The following ASIP variants were observed in gnomAD, a reference collection of about 807,000 sequenced individuals.
The protein encoded by ASIP is agouti signaling protein.
ASIP carries 11 observed loss-of-function variants against 10.3 expected under a neutral mutation model. The ratio of observed to expected loss-of-function variants is 1.07; its 90% confidence interval spans 0.68 to 1.78. The LOEUF is 1.78. Among genes scored for constraint, ASIP ranks in the 40% most tolerant of loss-of-function variants. ASIP has a pLI of 0.00. For missense variants in ASIP, 180 were observed against 169.2 expected (o/e 1.06, Z -0.35); for synonymous variants, 70 against 70.8 (o/e 0.99, Z 0.06).
Position 34,269,172 on chromosome 20 carries a change from C to T in ASIP, c.*5C>T. The T allele has an allele frequency of 1.3e-6, 2 of 1,505,244 alleles. No individual in the cohort carries two copies. Among genetic ancestry groups the T allele is most frequent in the South Asian group, 2.5e-5 (2 of 79,508 alleles). 93.2% of individuals were successfully genotyped at this position (1,505,244 alleles called of 1,614,324 possible). A position where few individuals can be genotyped will look rare whatever the true frequency, so the allele number is the denominator to read the frequency against. ...GTGCTCAGCCTCAACTGCTGAGCGC[C>T]CCCACTCCCGGCCGCGAGCAGGCAG... On this transcript the variant is annotated 3_prime_UTR_variant, in exon 4 of 4. Coordinates refer to ENST00000374954, the MANE Select transcript of ASIP (RefSeq NM_001672.3).
intron 1 of ASIP, chr20:34,214,115 G>C: frequency 3.5e-6 from 4 of 1,127,322 alleles, no homozygotes; most frequent in Non-Finnish European, 2.7e-6. Flanking sequence ...GGAAGGACTG[G>C]TGGCCATTCT....
chr20:34,215,426 G>A, intron 1 of ASIP: 18 of 1,531,884 alleles, frequency 1.2e-5, no homozygotes, highest in East Asian at 6.8e-5. Context: ...ACCACATCAC[G>A]ATCCACCAAC....
chr20:34,227,216 G>A (rs778499533), intron 1 of ASIP, among the ~76,000 whole-genome samples: 2 of 151,562 alleles, frequency 1.3e-5, no homozygotes, highest in Admixed American at 6.6e-5. Context: ...ACAAATTGAC[G>A]TGTTAAAAAA....
intron 1 of ASIP, among the ~76,000 whole-genome samples, chr20:34,210,824 C>T (rs937026352): frequency 5.9e-5 from 9 of 152,146 alleles, no homozygotes; most frequent in African/African-American, 2.2e-4. Flanking sequence ...CTGTGGGGAC[C>T]TTATTCATTT....
chr20:34,269,121 T>A lies in ASIP; in HGVS notation c.353T>A (p.Phe118Tyr), dbSNP rs763823641. The stretch of plus-strand genomic sequence containing the variant: ...CCGTGCGCCTCCTGCCAGTGCCGCT[T>A]CTTCCGCAGCGCCTGCTCCTGCCGC... ...CDPCASCQCR[F>Y]FRSACSCRVL... Residue 118 changes from phenylalanine to tyrosine, a missense_variant, in exon 4 of 4, where the codon TTC becomes TAC. Physicochemically the swap from Phe to Tyr is conservative, Grantham distance 22. Coordinates refer to ENST00000374954, the MANE Select transcript of ASIP (RefSeq NM_001672.3). 1.9e-6 allele frequency: 3 copies of A among 1,559,166 alleles called. No individual in the cohort carries two copies. The South Asian group carries it at 3.5e-5, about 18-fold the overall frequency.
At chr20:34,242,181 C>A (rs1233667921) in intron 1 of ASIP, among the ~76,000 whole-genome samples, 1 of 151,260 alleles carries the variant, frequency 6.6e-6, no homozygotes, top group African/African-American at 2.4e-5. Context: ...TTTTTGGTTT[C>A]CTTTTTAAAA....
chr20:34,257,065 T>C (rs904847459), intron 1 of ASIP, among the ~76,000 whole-genome samples: 2 of 88,916 alleles, frequency 2.2e-5, no homozygotes, highest in African/African-American at 1.4e-4. Flanking sequence ...TCTCTCTTTC[T>C]TTCTCTTTTT....
upstream of ASIP, among the ~76,000 whole-genome samples, chr20:34,193,172 A>G (rs2034834952): frequency 6.6e-6 from 1 of 152,226 alleles, no homozygotes; most frequent in Non-Finnish European, 1.5e-5. Flanking sequence ...ACACAGAAAT[A>G]TGTGAGCATG....
Position 34,246,502 on chromosome 20 carries a change from T to C in ASIP, c.-11+5013T>C, listed in dbSNP as rs2035378151. 6.0e-6 allele frequency: 8 copies of C among 1,330,944 alleles called. No individual in the cohort carries two copies. The South Asian group carries it at 8.3e-5, about 14-fold the overall frequency. The allele number at this position is 1,330,944 out of a possible 1,614,324, so 82.4% of individuals were successfully genotyped here. On this transcript the variant is annotated intron_variant, in intron 1 of 3. Transcript: ENST00000374954. ...ACTTGGCACTGTTCCTTGGGTCTCC[T>C]TTGCAATCAGCCCCACTGGATTCAG...
intron 1 of ASIP, among the ~76,000 whole-genome samples, chr20:34,211,562 T>C (rs2034974541): frequency 6.6e-6 from 1 of 152,368 alleles, no homozygotes; most frequent in Non-Finnish European, 1.5e-5. Context: ...AAATACCATT[T>C]AGAATGTCTT....
intron 1 of ASIP, among the ~76,000 whole-genome samples, chr20:34,248,872 A>G (rs1282900268): frequency 1.3e-5 from 2 of 152,118 alleles, no homozygotes; most frequent in South Asian, 2.1e-4. Context: ...CTCATTTGGA[A>G]TAACAGCAAT....
At chr20:34,260,952 C>G (rs2035679461) in intron 2 of ASIP, among the ~76,000 whole-genome samples, 2 of 152,110 alleles carry the variant, frequency 1.3e-5, no homozygotes, top group African/African-American at 4.8e-5. Context: ...GGCACTGGAG[C>G]CTGGCATTGG....
At chr20:34,265,906 C>T (rs1357651269) in intron 3 of ASIP, among the ~76,000 whole-genome samples, 3 of 151,512 alleles carry the variant, frequency 2.0e-5, no homozygotes, top group East Asian at 1.9e-4. Flanking sequence ...GCCAAGATCA[C>T]ACCACTGCAC....
intron 1 of ASIP, among the ~76,000 whole-genome samples, chr20:34,201,120 G>C (rs1273459103): frequency 1.3e-5 from 2 of 149,688 alleles, no homozygotes; most frequent in African/African-American, 2.5e-5. Flanking sequence ...TTCTAAGTTA[G>C]AGCCTCTATT....
intron 1 of ASIP, among the ~76,000 whole-genome samples, chr20:34,255,846 A>G (rs912719323): frequency 1.3e-5 from 2 of 152,174 alleles, no homozygotes; most frequent in African/African-American, 2.4e-5. Flanking sequence ...TGGTAGCATC[A>G]GTGCTCGGGA....
At chr20:34,201,360 C>G (rs1393334272) in intron 1 of ASIP, among the ~76,000 whole-genome samples, 2 of 152,134 alleles carry the variant, frequency 1.3e-5, no homozygotes, top group Non-Finnish European at 2.9e-5. Flanking sequence ...GCAGTTACTG[C>G]TTTTCACAAA....
chr20:34,220,959 T>C lies in ASIP; in HGVS notation c.-11+26199T>C, dbSNP rs1481263165. Among the ~76,000 whole-genome samples the C allele has an allele frequency of 4.1e-5, 6 of 146,976 alleles. No homozygotes were observed. In the East Asian group the frequency reaches 5.8e-4, roughly 14 times the overall value. ...CTTCCTTTCTTCTTTCCTTCTTTTTTTTTTTTTTTTTTTTTTTCTTCAGTG... is the reference window on the plus strand; with the variant it reads ...CTTCCTTTCTTCTTTCCTTCTTTTTCTTTTTTTTTTTTTTTTTCTTCAGTG... On this transcript the variant is annotated intron_variant, in intron 1 of 3. Coordinates refer to the ASIP transcript ENST00000568305.
intron 1 of ASIP, among the ~76,000 whole-genome samples, chr20:34,223,265 C>T (rs1196314814): frequency 2.7e-5 from 4 of 149,536 alleles, no homozygotes; most frequent in African/African-American, 5.0e-5. Flanking sequence ...ATGTGGGGAG[C>T]GCCTCTGCCC....
chr20:34,261,599 A>C (rs1350714893), intron 2 of ASIP, among the ~76,000 whole-genome samples: 3 of 152,022 alleles, frequency 2.0e-5, no homozygotes, highest in Non-Finnish European at 4.4e-5. Context: ...GTGCCACTGC[A>C]CTCCAGCCTG....
Sources: allele counts gnomAD v4.1 joint callset (sites outside exome capture counted in the v4.1 genomes callset), GRCh38; gene constraint gnomAD v4.1.1; transcripts MANE v1.5; gene names NCBI Gene and HGNC (gene_info 2026-07-23, HGNC 2026-07-21).